SEMA3D: variants seen among roughly 807,000 people sequenced by gnomAD.
SEMA3D encodes the protein semaphorin-3D.
SEMA3D carries 84 observed loss-of-function variants against 100.1 expected under a neutral mutation model. That is an observed-to-expected ratio of 0.84 (90% confidence interval 0.70 to 1.01). The LOEUF (loss-of-function observed/expected upper bound fraction) is 1.01. SEMA3D is among the 50% of genes least tolerant of loss of function. The pLI is 0.00. For missense variants in SEMA3D, 875 were observed against 934.1 expected (o/e 0.94, Z 0.82); for synonymous variants, 312 against 320.7 (o/e 0.97, Z 0.29).
chr7:85,088,724 A>T (rs1295390106), intron 4 of SEMA3D, among the ~76,000 whole-genome samples: 1 of 152,088 alleles, frequency 6.6e-6, no homozygotes, highest in Non-Finnish European at 1.5e-5. Flanking sequence ...TTAATTCTCC[A>T]TTTTTGTTTT....
the SEMA3D span, among the ~76,000 whole-genome samples, chr7:85,250,014 C>T: frequency 2.6e-5 from 4 of 152,064 alleles, no homozygotes; most frequent in African/African-American, 7.2e-5. Flanking sequence ...GGTGCACGCA[C>T]CGTGCACGAG....
chr7:85,154,129 ACAGTGCCTTACTGC>A (rs1790511835), intron 1 of SEMA3D, among the ~76,000 whole-genome samples: 1 of 151,968 alleles, frequency 6.6e-6, no homozygotes, highest in African/African-American at 2.4e-5. Context: ...CTTACTGCTT[ACAGTGCCTTACTGC>A]TTGCTTCTGC....
chr7:85,037,247 G>C (rs1446771454), intron 11 of SEMA3D, among the ~76,000 whole-genome samples: 4 of 152,140 alleles, frequency 2.6e-5, no homozygotes, highest in African/African-American at 9.7e-5. Context: ...AGTAAATATA[G>C]TAAGCAAAGT....
chr7:85,083,555 A>C (rs993443722), intron 4 of SEMA3D, among the ~76,000 whole-genome samples: 1 of 152,178 alleles, frequency 6.6e-6, no homozygotes, highest in Non-Finnish European at 1.5e-5. Context: ...CTTCTTAAAA[A>C]TTGCATCGGC....
At chr7:85,056,491 A>G (rs1236251614) in intron 8 of SEMA3D, among the ~76,000 whole-genome samples, 1 of 151,772 alleles carries the variant, frequency 6.6e-6, no homozygotes, top group Non-Finnish European at 1.5e-5. Flanking sequence ...GATAATTTAT[A>G]TTATTATCAA....
At chr7:85,031,428 C>A (rs1790546139) in intron 12 of SEMA3D, among the ~76,000 whole-genome samples, 1 of 151,956 alleles carries the variant, frequency 6.6e-6, no homozygotes, top group Non-Finnish European at 1.5e-5. Context: ...AGATGTGTTC[C>A]TCTGAATTGC....
At chr7:85,235,918 C>T in the SEMA3D span, among the ~76,000 whole-genome samples, 4 of 152,128 alleles carry the variant, frequency 2.6e-5, no homozygotes, top group Non-Finnish European at 4.4e-5. Flanking sequence ...CTAATTTCTT[C>T]AATCTCTAAG....
intron 6 of SEMA3D, among the ~76,000 whole-genome samples, chr7:85,069,934 G>A (rs139108263): frequency 7.9e-5 from 12 of 152,210 alleles, no homozygotes; most frequent in African/African-American, 2.9e-4. Flanking sequence ...TTACCTTTCT[G>A]TGTTTCTGTT....
At chr7:85,028,199 C>T in intron 12 of SEMA3D, 1 of 662,922 alleles carries the variant, frequency 1.5e-6, no homozygotes, top group South Asian at 1.5e-5. Flanking sequence ...ATGGTTCTGA[C>T]AAAGATGAAG....
chr7:85,145,646 G>T (rs925901428), intron 2 of SEMA3D, among the ~76,000 whole-genome samples: 4 of 151,996 alleles, frequency 2.6e-5, no homozygotes, highest in African/African-American at 9.7e-5. Flanking sequence ...AAAATCTGGT[G>T]GAAAGAAGGA....
chr7:85,136,153 G>A lies in SEMA3D; in HGVS notation c.-40-14222C>T, dbSNP rs1366176860. Among the ~76,000 whole-genome samples the A allele has an allele frequency of 2.6e-5, 4 of 152,122 alleles. No homozygotes were observed. The East Asian group carries it at 7.7e-4, about 29-fold the overall frequency. ...AAGAATGTAGAGTTCAATTGTAATAGTGCATGCGTGTGTCCTTTGGAATGC... is the reference window on the plus strand; with the variant it reads ...AAGAATGTAGAGTTCAATTGTAATAATGCATGCGTGTGTCCTTTGGAATGC... On this transcript the variant is annotated intron_variant, in intron 2 of 18. Coordinates refer to ENST00000284136, the MANE Select transcript of SEMA3D (RefSeq NM_001384900.1).
intron 1 of SEMA3D, among the ~76,000 whole-genome samples, chr7:85,184,531 G>T (rs1791489231): frequency 6.6e-6 from 1 of 151,452 alleles, no homozygotes; most frequent in Non-Finnish European, 1.5e-5. Context: ...AAGAATAAGA[G>T]AATAATGACA....
intron 4 of SEMA3D, among the ~76,000 whole-genome samples, chr7:85,086,170 T>C (rs553029076): frequency 6.6e-6 from 1 of 152,164 alleles, no homozygotes; most frequent in African/African-American, 2.4e-5. Context: ...AGAATTACCT[T>C]AAGCAAAAAC....
rs114570178 is a variant in SEMA3D at position 85,154,631 on chromosome 7, T to G, written c.-172-892A>C. On this transcript the variant is annotated intron_variant, in intron 1 of 18. Transcript: ENST00000284136. ...AGTAATGGTCAGGATGGCAGTGATT[T>G]GAAATACAGTAGAACAGATTGTCTC... Among the ~76,000 whole-genome samples, 1,031 of 152,266 alleles carry G rather than the reference T, an allele frequency of 6.8e-3. 16 individuals are homozygous for G. The highest frequency in any genetic ancestry group is 0.024 in the African/African-American group (990 of 41,568).
intron 4 of SEMA3D, among the ~76,000 whole-genome samples, chr7:85,085,367 T>G (rs543554830): frequency 1.2e-3 from 178 of 152,292 alleles, no homozygotes; most frequent in African/African-American, 4.0e-3. Flanking sequence ...AATTAAATTA[T>G]GAGATAAATG....
the SEMA3D span, among the ~76,000 whole-genome samples, chr7:85,249,889 T>A: frequency 3.2e-4 from 48 of 152,116 alleles, no homozygotes; most frequent in Non-Finnish European, 4.6e-4. Context: ...TAGGAACAGC[T>A]CCAGTCTACA....
intron 18 of SEMA3D, among the ~76,000 whole-genome samples, chr7:85,002,602 G>T (rs1053815034): frequency 1.3e-5 from 2 of 152,096 alleles, no homozygotes; most frequent in African/African-American, 4.8e-5. Flanking sequence ...AGAAAATTCA[G>T]CTCCTCAACA....
intron 3 of SEMA3D, among the ~76,000 whole-genome samples, chr7:85,107,206 A>G (rs1239097518): frequency 6.6e-6 from 1 of 152,072 alleles, no homozygotes; most frequent in East Asian, 1.9e-4. Flanking sequence ...ATTTTCATAG[A>G]TTCAAGAAAA....
intron 14 of SEMA3D, among the ~76,000 whole-genome samples, chr7:85,019,270 T>C (rs2115833818): frequency 6.6e-6 from 1 of 151,918 alleles, no homozygotes; most frequent in South Asian, 2.1e-4. Context: ...CTTGTTCTAA[T>C]GTGCTTATGT....
Sources: allele counts gnomAD v4.1 joint callset (sites outside exome capture counted in the v4.1 genomes callset), GRCh38; gene constraint gnomAD v4.1.1; transcripts MANE v1.5; gene names NCBI Gene and HGNC (gene_info 2026-07-23, HGNC 2026-07-21).